Variants in CELF2 observed in about 807,000 individuals in gnomAD.
CELF2 encodes the protein CUG triplet repeat RNA-binding protein 2.
A neutral mutation model predicts 62.6 loss-of-function variants in CELF2; 8 were observed. That is an observed-to-expected ratio of 0.13 (90% CI 0.07 to 0.23). The LOEUF (loss-of-function observed/expected upper bound fraction) is 0.23. CELF2 is among the 10% of genes least tolerant of loss of function. The pLI is 1.00. For missense variants in CELF2, 333 were observed against 671.0 expected, an observed-to-expected ratio of 0.50 and a Z score of 5.56; for synonymous variants, 258 against 250.0, an observed-to-expected ratio of 1.03 and a Z score of -0.30.
At chr10:11,176,303 A>G (rs950302798) in intron 2 of CELF2, among the ~76,000 whole-genome samples, 1 of 152,194 alleles carries the variant, frequency 6.6e-6, no homozygotes, top group African/African-American at 2.4e-5. Context: ...CAGAAAATGT[A>G]CAGTCCTCTT....
At chr10:11,160,102 C>G (rs1043656002) in intron 1 of CELF2, among the ~76,000 whole-genome samples, 3 of 152,250 alleles carry the variant, frequency 2.0e-5, no homozygotes, top group Non-Finnish European at 4.4e-5. Context: ...CAAGGAATCA[C>G]AACAAGATTT....
At chr10:11,322,869 A>G (rs1297660736) in intron 11 of CELF2, among the ~76,000 whole-genome samples, 2 of 151,994 alleles carry the variant, frequency 1.3e-5, no homozygotes, top group Non-Finnish European at 2.9e-5. Flanking sequence ...TCCCAAAGAA[A>G]GGCCTGTGTG....
At chr10:10,986,815 G>A (rs1307825994) in intron 2 of CELF2, among the ~76,000 whole-genome samples, 2 of 152,160 alleles carry the variant, frequency 1.3e-5, no homozygotes, top group South Asian at 2.1e-4. Flanking sequence ...AAACATTAGC[G>A]TCAGCACTAC....
rs2095415585 is a variant in CELF2, at chr10:11,321,065, G to T, written c.1097-124G>T. On this transcript the variant is annotated intron_variant, in intron 10 of 12. Transcript: ENST00000633077. The surrounding 1 kb of genome is among the most constrained non-coding windows in gnomAD (Gnocchi z 6.2). ...GTTTCATTTTTAGTTTCCTGTCAGT[G>T]TAATTGTGTGCTAGCTGCATGTACT... is the stretch of plus-strand genomic sequence containing the variant. The T allele has an allele frequency of 7.7e-7, 1 of 1,301,574 alleles. No homozygotes were observed. The highest frequency in any genetic ancestry group is 1.9e-5 in the Admixed American group (1 of 51,590). 80.6% of individuals were successfully genotyped at this position (1,301,574 alleles called of 1,614,324 possible).
intron 2 of CELF2, among the ~76,000 whole-genome samples, chr10:11,208,169 C>T (rs1359180262): frequency 6.6e-6 from 1 of 152,022 alleles, no homozygotes; most frequent in East Asian, 1.9e-4. Context: ...TGGTGTTTTC[C>T]CATCTGTAAA....
At chr10:11,262,069 C>G (rs534822521) in intron 5 of CELF2, among the ~76,000 whole-genome samples, 1 of 152,280 alleles carries the variant, frequency 6.6e-6, no homozygotes, top group African/African-American at 2.4e-5. Context: ...GTAGGCAAAT[C>G]TTCACTGCCA....
At chr10:11,035,621 A>G (rs1024377641) in intron 1 of CELF2, among the ~76,000 whole-genome samples, 1 of 152,202 alleles carries the variant, frequency 6.6e-6, no homozygotes, top group Non-Finnish European at 1.5e-5. Flanking sequence ...TTAATCTGAG[A>G]TACTTTTTCA....
At chr10:11,030,630 A>G (rs554969304) in intron 1 of CELF2, 21 of 152,364 alleles carry the variant, frequency 1.4e-4, no homozygotes, top group Admixed American at 6.5e-4. Flanking sequence ...CTCGTTTCCA[A>G]AGCCTGAGGT....
At chr10:11,015,200 T>C (rs1355075611), upstream of CELF2, among the ~76,000 whole-genome samples, 13 of 152,192 alleles carry the variant, frequency 8.5e-5, no homozygotes. This position sits in a 1 kb window ranked among gnomAD's most constrained non-coding sequence, Gnocchi z 4.8. Context: ...TTGAGTTGTT[T>C]TTAGATTTTT....
the CELF2 span, among the ~76,000 whole-genome samples, chr10:10,561,859 G>C: frequency 6.6e-6 from 1 of 152,226 alleles, no homozygotes; most frequent in Non-Finnish European, 1.5e-5. Context: ...AACAAGGGGT[G>C]AAATTTGGGA....
chr10:10,695,656 G>C, the CELF2 span, among the ~76,000 whole-genome samples: 1 of 152,214 alleles, frequency 6.6e-6, no homozygotes, highest in African/African-American at 2.4e-5. Flanking sequence ...ATCAGACGTA[G>C]ATTTGGTCTT....
the CELF2 span, among the ~76,000 whole-genome samples, chr10:10,781,212 A>G: frequency 6.6e-6 from 1 of 152,236 alleles, no homozygotes; most frequent in Admixed American, 6.5e-5. Context: ...TGGCCCCAGC[A>G]GATTATAATG....
chr10:11,027,057 T>G (rs536839734), intron 1 of CELF2, among the ~76,000 whole-genome samples: 2 of 152,274 alleles, frequency 1.3e-5, no homozygotes, highest in South Asian at 4.1e-4. Context: ...CCAACTGCAA[T>G]TAGTCACTTC....
At chr10:11,208,602 C>T (rs2061017182) in intron 2 of CELF2, among the ~76,000 whole-genome samples, 1 of 152,212 alleles carries the variant, frequency 6.6e-6, no homozygotes, top group East Asian at 1.9e-4. Flanking sequence ...GAATGGGGGT[C>T]TTATGACCTA....
chr10:10,504,767 T>C, the CELF2 span, among the ~76,000 whole-genome samples: 1 of 152,124 alleles, frequency 6.6e-6, no homozygotes, highest in Non-Finnish European at 1.5e-5. Flanking sequence ...GAATATGTCA[T>C]TCTATATTTC....
the CELF2 span, among the ~76,000 whole-genome samples, chr10:10,662,228 T>G: frequency 6.6e-6 from 1 of 152,216 alleles, no homozygotes; most frequent in African/African-American, 2.4e-5. Flanking sequence ...TACCTGCATA[T>G]GTCCAAGGTA....
At chr10:10,944,907 G>A (rs1484013342) in intron 2 of CELF2, among the ~76,000 whole-genome samples, 1 of 152,096 alleles carries the variant, frequency 6.6e-6, no homozygotes, top group Non-Finnish European at 1.5e-5. Flanking sequence ...CCAGCCAGAT[G>A]TTTCTTAAAG....
intron 2 of CELF2, among the ~76,000 whole-genome samples, chr10:11,186,360 G>T (rs1372884549): frequency 1.4e-5 from 1 of 73,882 alleles, no homozygotes; most frequent in African/African-American, 5.1e-5. Flanking sequence ...CCATTCTTTT[G>T]CTTATTTGGG....
chr10:11,172,115 A>T (rs1484688483), intron 2 of CELF2, among the ~76,000 whole-genome samples: 1 of 152,238 alleles, frequency 6.6e-6, no homozygotes, highest in African/African-American at 2.4e-5. Flanking sequence ...TTTCTGTCCT[A>T]CATTTCTTGA....
Sources: gnomAD v4.1 joint callset for allele counts (sites outside exome capture counted in the v4.1 genomes callset) on GRCh38, gnomAD v4.1.1 for gene constraint, Gnocchi (gnomAD v3.1) non-coding constraint, MANE v1.5 for transcripts, NCBI Gene and HGNC (gene_info 2026-07-23, HGNC 2026-07-21) for gene names.